Variants in ZSWIM5 observed in about 807,000 individuals in gnomAD.
The protein encoded by ZSWIM5 is zinc finger SWIM-type containing 5, also known as zinc finger SWIM domain-containing protein 5.
In ZSWIM5, 55 loss-of-function variants were observed where a neutral mutation model predicts 119.6. The ratio of observed to expected loss-of-function variants is 0.46; its 90% CI spans 0.37 to 0.58. ZSWIM5 has a LOEUF of 0.58. Among genes scored for constraint, ZSWIM5 ranks in the 20% least tolerant of loss-of-function variants. ZSWIM5 has a pLI of 0.00. For synonymous variants in ZSWIM5, 537 were observed against 606.9 expected, an observed-to-expected ratio of 0.88 and a Z score of 1.69; for missense variants, 1,193 against 1,512.8, an observed-to-expected ratio of 0.79 and a Z score of 3.51.
chr1:45,146,056 G>GATCTGGC, intron 1 of ZSWIM5, among the ~76,000 whole-genome samples: 1 of 152,304 alleles, frequency 6.6e-6, no homozygotes, highest in Non-Finnish European at 1.5e-5. Context: ...GATGAGAATG[G>GATCTGGC]ATCTGGCATA....
At chr1:45,167,291 T>A (rs940192925) in intron 1 of ZSWIM5, among the ~76,000 whole-genome samples, 2 of 151,566 alleles carry the variant, frequency 1.3e-5, no homozygotes, top group African/African-American at 4.9e-5. Context: ...TGAAACTGGA[T>A]CCCTTCCTTA....
chr1:45,095,848 T>G (rs1326511517), intron 1 of ZSWIM5, among the ~76,000 whole-genome samples: 1 of 152,178 alleles, frequency 6.6e-6, no homozygotes, highest in East Asian at 1.9e-4. Flanking sequence ...AAGTTTTGAC[T>G]GTCTTTCTTT....
At chr1:45,118,754 AAG>A (rs1645574216) in intron 1 of ZSWIM5, among the ~76,000 whole-genome samples, 2 of 148,220 alleles carry the variant, frequency 1.3e-5, no homozygotes, top group African/African-American at 5.0e-5. Context: ...AAAAAAAAAA[AAG>A]AAAAGAAAAG....
intron 1 of ZSWIM5, among the ~76,000 whole-genome samples, chr1:45,166,975 A>C (rs1474741087): frequency 6.6e-6 from 1 of 152,150 alleles, no homozygotes; most frequent in African/African-American, 2.4e-5. Flanking sequence ...AAACTACTTT[A>C]AAGTTCAGAC....
At chr1:45,180,455 C>T (rs1187296367) in intron 1 of ZSWIM5, among the ~76,000 whole-genome samples, 1 of 152,212 alleles carries the variant, frequency 6.6e-6, no homozygotes, top group Non-Finnish European at 1.5e-5. Flanking sequence ...GAGCCCACCA[C>T]AGCTCAAGGA....
intron 1 of ZSWIM5, among the ~76,000 whole-genome samples, chr1:45,151,307 A>C (rs1645795463): frequency 6.6e-6 from 1 of 152,140 alleles, no homozygotes; most frequent in Non-Finnish European, 1.5e-5. Flanking sequence ...GGCTGAGATA[A>C]AAGTCTGTTT....
chr1:45,202,118 T>G (rs1397143562), intron 1 of ZSWIM5, among the ~76,000 whole-genome samples: 2 of 152,146 alleles, frequency 1.3e-5, no homozygotes, highest in African/African-American at 4.8e-5. Flanking sequence ...AGCTGCCTTC[T>G]GTGATGGAAT....
rs1027776502 is a variant in ZSWIM5, at chr1:45,106,631, G to A, written c.596-18394C>T. Among the ~76,000 whole-genome samples, 17 of 151,668 alleles carry A rather than the reference G, an allele frequency of 1.1e-4. No homozygotes were observed. In the East Asian group the frequency reaches 1.8e-3, roughly 16 times the overall value. On this transcript the variant is annotated intron_variant, in intron 1 of 13. Transcript: ENST00000359600. ...CCGCCCCGTCTGGGAAGTGAGGCGC[G>A]CCTCTGCCCGGCCGCCCCGTCTGGG...
At chr1:45,114,225 T>C (rs1175527837) in intron 1 of ZSWIM5, among the ~76,000 whole-genome samples, 1 of 152,096 alleles carries the variant, frequency 6.6e-6, no homozygotes, top group Non-Finnish European at 1.5e-5. Context: ...AGATCATTCA[T>C]GGGGGAAAAA....
intron 1 of ZSWIM5, among the ~76,000 whole-genome samples, chr1:45,094,454 C>G (rs912909001): frequency 6.6e-6 from 1 of 151,958 alleles, no homozygotes; most frequent in Non-Finnish European, 1.5e-5. Flanking sequence ...TTTTAAAAAT[C>G]CTTACTGGCT....
At chr1:45,022,161 C>T (rs1182557568) in intron 11 of ZSWIM5, among the ~76,000 whole-genome samples, 2 of 147,020 alleles carry the variant, frequency 1.4e-5, no homozygotes, top group East Asian at 2.0e-4. Flanking sequence ...GACGGAGTCT[C>T]GTGCTGTTGC....
intron 1 of ZSWIM5, among the ~76,000 whole-genome samples, chr1:45,158,443 ACAG>A (rs1645844286): frequency 6.6e-6 from 1 of 152,248 alleles, no homozygotes; most frequent in Non-Finnish European, 1.5e-5. Flanking sequence ...TGCTGGGATT[ACAG>A]ATGTGAGCCA....
At chr1:45,096,277 A>C (rs1467952993) in intron 1 of ZSWIM5, among the ~76,000 whole-genome samples, 1 of 151,890 alleles carries the variant, frequency 6.6e-6, no homozygotes, top group Non-Finnish European at 1.5e-5. Flanking sequence ...CACAGTTAAA[A>C]CACACACACG....
intron 11 of ZSWIM5, among the ~76,000 whole-genome samples, chr1:45,022,909 C>T (rs1644896829): frequency 6.6e-6 from 1 of 152,224 alleles, no homozygotes; most frequent in African/African-American, 2.4e-5. Context: ...GTGGATTCAA[C>T]ATAGTGGCTT....
intron 1 of ZSWIM5, among the ~76,000 whole-genome samples, chr1:45,191,174 C>A: frequency 6.6e-6 from 1 of 151,492 alleles, no homozygotes. Context: ...ACCTCGTGAT[C>A]CGCCCGCCTC....
intron 1 of ZSWIM5, among the ~76,000 whole-genome samples, chr1:45,202,767 G>A (rs12161420): frequency 6.6e-6 from 1 of 151,862 alleles, no homozygotes; most frequent in Admixed American, 6.6e-5. Flanking sequence ...ATTTTCCTGA[G>A]AAAAAGCAAA....
intron 1 of ZSWIM5, among the ~76,000 whole-genome samples, chr1:45,106,317 G>C (rs1367790988): frequency 6.9e-6 from 1 of 145,270 alleles, no homozygotes; most frequent in Admixed American, 6.8e-5. Context: ...CCATCGTCTG[G>C]GAGGTGGGGA....
At chr1:45,043,063 G>C (rs1234369641) in intron 6 of ZSWIM5, among the ~76,000 whole-genome samples, 156 bp downstream of exon 6, 1 of 152,104 alleles carries the variant, frequency 6.6e-6, no homozygotes, top group Non-Finnish European at 1.5e-5. Context: ...AAATGGCTTA[G>C]GCTTCACATA....
At chr1:45,177,701 T>C (rs1645989685) in intron 1 of ZSWIM5, among the ~76,000 whole-genome samples, 1 of 152,050 alleles carries the variant, frequency 6.6e-6, no homozygotes, top group African/African-American at 2.4e-5. Context: ...CCTCCTTCCC[T>C]GTCTCATTTC....
Sources: allele counts gnomAD v4.1 joint callset (sites outside exome capture counted in the v4.1 genomes callset), GRCh38; gene constraint gnomAD v4.1.1; transcripts MANE v1.5; gene names NCBI Gene and HGNC (gene_info 2026-07-23, HGNC 2026-07-21).